Variants in KHDRBS3 observed in about 807,000 individuals in gnomAD.
KHDRBS3 encodes KH domain-containing, RNA-binding, signal transduction-associated protein 3.
KHDRBS3 carries 23 observed loss-of-function variants against 45.6 expected under a neutral mutation model. The observed-to-expected ratio is 0.50, with a 90% CI of 0.36 to 0.72. The LOEUF (loss-of-function observed/expected upper bound fraction) is 0.72. Among genes scored for constraint, KHDRBS3 ranks in the 30% least tolerant of loss-of-function variants. The probability of loss-of-function intolerance (pLI) is 0.00; values close to 1 mark genes in which losing one functional copy is unlikely to be tolerated. For synonymous variants in KHDRBS3, 162 were observed against 156.5 expected, an observed-to-expected ratio of 1.04 and a Z score of -0.26; for missense variants, 352 against 424.8, an observed-to-expected ratio of 0.83 and a Z score of 1.51.
At chr8:135,535,447 T>G (rs186724769) in intron 2 of KHDRBS3, among the ~76,000 whole-genome samples, 3 of 148,048 alleles carry the variant, frequency 2.0e-5, no homozygotes, top group African/African-American at 7.4e-5. Context: ...TTATATATAG[T>G]TTATACCTGT....
At chr8:135,649,880 G>C (rs1411235235), downstream of KHDRBS3, among the ~76,000 whole-genome samples, 1 of 151,990 alleles carries the variant, frequency 6.6e-6, no homozygotes, top group African/African-American at 2.4e-5. Flanking sequence ...AAGGAATTGT[G>C]ACCCAGAAAG....
intron 2 of KHDRBS3, among the ~76,000 whole-genome samples, chr8:135,537,845 T>G (rs925086989): frequency 1.4e-4 from 21 of 152,104 alleles, no homozygotes; most frequent in African/African-American, 4.6e-4. Context: ...ACAAATGAGG[T>G]TATTTATACA....
chr8:135,641,249 C>T (rs1345264729), intron 7 of KHDRBS3, among the ~76,000 whole-genome samples: 1 of 152,162 alleles, frequency 6.6e-6, no homozygotes, highest in African/African-American at 2.4e-5. Flanking sequence ...ATCACTGCTC[C>T]CTTCATTTAA....
intron 7 of KHDRBS3, among the ~76,000 whole-genome samples, chr8:135,612,652 T>G (rs989152471): frequency 2.0e-5 from 3 of 151,828 alleles, no homozygotes; most frequent in Non-Finnish European, 4.4e-5. Context: ...ACAGTTATAG[T>G]TCAGTATTAG....
At chr8:135,543,877 A>G (rs1213504753) in intron 3 of KHDRBS3, among the ~76,000 whole-genome samples, 1 of 152,198 alleles carries the variant, frequency 6.6e-6, no homozygotes, top group African/African-American at 2.4e-5. Flanking sequence ...GATACTGTTT[A>G]AAAGTAGATT....
intron 1 of KHDRBS3, chr8:135,458,818 G>T: frequency 2.2e-6 from 1 of 454,884 alleles, no homozygotes; most frequent in Admixed American, 2.3e-5. Flanking sequence ...GCGGGTCAGG[G>T]ATACAGAGAT....
At chr8:135,481,999 CT>C (rs1006258573) in intron 1 of KHDRBS3, among the ~76,000 whole-genome samples, 19 of 152,090 alleles carry the variant, frequency 1.2e-4, no homozygotes, top group African/African-American at 4.3e-4. Flanking sequence ...GTTTGGTTGC[CT>C]TTCAAATAGA....
intron 7 of KHDRBS3, among the ~76,000 whole-genome samples, chr8:135,613,028 C>G (rs1210551496): frequency 6.6e-6 from 1 of 151,978 alleles, no homozygotes; most frequent in South Asian, 2.1e-4. Context: ...GTGTCTGTCT[C>G]TGGCACATAC....
At chr8:135,609,059 A>G (rs1829594645) in intron 7 of KHDRBS3, among the ~76,000 whole-genome samples, 1 of 152,190 alleles carries the variant, frequency 6.6e-6, no homozygotes, top group Non-Finnish European at 1.5e-5. Context: ...GCACCACTGC[A>G]GGCTTTATAA....
At chr8:135,622,148 A>G (rs1226427719) in intron 7 of KHDRBS3, among the ~76,000 whole-genome samples, 2 of 152,126 alleles carry the variant, frequency 1.3e-5, no homozygotes, top group South Asian at 2.1e-4. Flanking sequence ...TATTTGATCA[A>G]TGTCTGTCTT....
chr8:135,632,261 C>T (rs1830635900), intron 7 of KHDRBS3, among the ~76,000 whole-genome samples: 2 of 152,122 alleles, frequency 1.3e-5, no homozygotes, highest in South Asian at 2.1e-4. Context: ...TGAGGGAATC[C>T]GTCGTTCCTT....
chr8:135,570,235 T>TA (rs1205510664), intron 5 of KHDRBS3, among the ~76,000 whole-genome samples: 3 of 152,036 alleles, frequency 2.0e-5, no homozygotes, highest in Non-Finnish European at 4.4e-5. Flanking sequence ...AGCCTTCCAT[T>TA]AAAAAAAATC....
intron 2 of KHDRBS3, among the ~76,000 whole-genome samples, chr8:135,524,420 T>C (rs1018515084): frequency 3.8e-4 from 58 of 152,338 alleles, no homozygotes; most frequent in African/African-American, 1.3e-3. Flanking sequence ...ATATATCAGA[T>C]TGGTGTTACT....
At chr8:135,559,271 T>G (rs1049359395) in intron 5 of KHDRBS3, among the ~76,000 whole-genome samples, 9 of 152,058 alleles carry the variant, frequency 5.9e-5, no homozygotes, top group African/African-American at 2.2e-4. Flanking sequence ...GACCTACTAG[T>G]CTAGTTAGTT....
intron 2 of KHDRBS3, among the ~76,000 whole-genome samples, chr8:135,521,935 CCTTTT>C (rs1824931758): frequency 6.6e-6 from 1 of 151,844 alleles, no homozygotes; most frequent in Non-Finnish European, 1.5e-5. Flanking sequence ...CAAGTTGTTT[CCTTTT>C]CTTTTTCTTT....
At chr8:135,528,671 A>C (rs745710485) in intron 2 of KHDRBS3, among the ~76,000 whole-genome samples, 36 of 152,322 alleles carry the variant, frequency 2.4e-4, no homozygotes, top group Admixed American at 1.1e-3. Flanking sequence ...AGACTGGGTC[A>C]TTTGTAAAGA....
At chr8:135,507,188 TTATTAG>T (rs1824046333) in intron 1 of KHDRBS3, among the ~76,000 whole-genome samples, 1 of 152,202 alleles carries the variant, frequency 6.6e-6, no homozygotes, top group South Asian at 2.1e-4. Context: ...CCTGGCCCTG[TTATTAG>T]TCTTAGTGTT....
In KHDRBS3 at chr8:135,457,920, C is replaced by T. The variant is rs1360455919; in HGVS notation, c.54C>T (p.Pro18=). 1.2e-6 allele frequency: 2 copies of T among 1,603,280 alleles called. No homozygotes were observed. The highest frequency in any genetic ancestry group is 8.5e-7 in the Non-Finnish European group (1 of 1,175,656). ...TGGCGGAGAAGGACTCCCTGGACCC[C>T]TCCTTCACGCACGCCCTGCGCCTGG... is the stretch of plus-strand genomic sequence containing the variant. ...ELMAEKDSLD[P]SFTHALRLVN... The change falls in exon 1 of 9, where the codon CCC becomes CCT. Residue 18 remains proline, a synonymous_variant. Transcript: ENST00000355849. This position sits in a 1 kb window ranked among gnomAD's most constrained non-coding sequence, Gnocchi z 4.4.
chr8:135,620,739 A>G (rs1355717902), intron 7 of KHDRBS3, among the ~76,000 whole-genome samples: 2 of 152,186 alleles, frequency 1.3e-5, no homozygotes, highest in East Asian at 1.9e-4. Flanking sequence ...TACACCATCC[A>G]ACAACCCTCG....
Sources: gnomAD v4.1 joint callset for allele counts (sites outside exome capture counted in the v4.1 genomes callset) on GRCh38, gnomAD v4.1.1 for gene constraint, Gnocchi (gnomAD v3.1) non-coding constraint, MANE v1.5 for transcripts, NCBI Gene and HGNC (gene_info 2026-07-23, HGNC 2026-07-21) for gene names.